Variants in CELF5 observed in about 807,000 individuals in gnomAD.
The protein encoded by CELF5 is CUG-BP and ETR-3 like factor 5.
Under a neutral mutation model 54.9 loss-of-function variants are expected in CELF5, and 6 were observed. The ratio of observed to expected loss-of-function variants is 0.11; its 90% CI spans 0.06 to 0.22. The LOEUF is 0.22. CELF5 is among the 10% of genes least tolerant of loss of function. The pLI, the probability that CELF5 is intolerant of heterozygous loss-of-function variation, is 1.00. For synonymous variants in CELF5, 271 were observed against 290.9 expected (o/e 0.93, Z 0.70); for missense variants, 401 against 678.6 (o/e 0.59, Z 4.54).
chr19:3,256,300 C>G (rs1287110694), intron 2 of CELF5, among the ~76,000 whole-genome samples: 2 of 152,074 alleles, frequency 1.3e-5, no homozygotes, highest in Non-Finnish European at 2.9e-5. Flanking sequence ...TCCCTGACCT[C>G]TCAGGGCTGG....
At position 3,248,902 on chromosome 19, in the gene CELF5, C is replaced by CTTCT. The variant is rs1258553147; in HGVS notation, c.260-2080_260-2079insTTTC. On this transcript the variant is annotated intron_variant, in intron 1 of 12. Transcript: ENST00000292672. ...CCTTCCTTCCTTCCTTCCTTCCTTC[C>CTTCT]TTCCTTTCTTTCTTTCTTTCTTTCT... Among the ~76,000 whole-genome samples the CTTCT allele has an allele frequency of 1.2e-3, 147 of 122,822 alleles. 1 individual carries two copies. The Middle Eastern group carries it at 0.016, about 14-fold the overall frequency. 80.6% of individuals were successfully genotyped at this position (122,822 alleles called of 152,430 possible).
chr19:3,229,047 C>T (rs1300686842), intron 1 of CELF5, among the ~76,000 whole-genome samples: 1 of 151,648 alleles, frequency 6.6e-6, no homozygotes, highest in East Asian at 1.9e-4. Context: ...CATAAGGCCC[C>T]GGAGCCTCAC....
intron 1 of CELF5, among the ~76,000 whole-genome samples, chr19:3,234,219 A>G (rs1337552498): frequency 6.6e-6 from 1 of 152,080 alleles, no homozygotes; most frequent in Admixed American, 6.5e-5. Flanking sequence ...GAGGCGAGGA[A>G]GAGGAAGGGA....
chr19:3,281,993 C>T lies in CELF5; in HGVS notation c.751-133C>T, dbSNP rs1323691675. 2.0e-6 allele frequency: 2 copies of T among 979,040 alleles called. No homozygotes were observed. The highest frequency in any genetic ancestry group is 2.4e-5 in the East Asian group (1 of 41,684). 60.6% of individuals were successfully genotyped at this position (979,040 alleles called of 1,614,324 possible). A position where few individuals can be genotyped will look rare whatever the true frequency, so the allele number is the denominator to read the frequency against. ...TGAGCCTTGATCCCAGTCTGAGCTCCAATTCTGATCTCAGCCTGAGCCAAG... is the reference window on the plus strand; with the variant it reads ...TGAGCCTTGATCCCAGTCTGAGCTCTAATTCTGATCTCAGCCTGAGCCAAG... On this transcript the variant is annotated intron_variant, in intron 6 of 12. Coordinates refer to ENST00000292672, the MANE Select transcript of CELF5 (RefSeq NM_021938.4). The surrounding 1 kb of genome is among the most constrained non-coding windows in gnomAD (Gnocchi z 6.5).
intron 1 of CELF5, among the ~76,000 whole-genome samples, chr19:3,247,414 T>C (rs1037724319): frequency 7.3e-5 from 11 of 151,288 alleles, no homozygotes; most frequent in African/African-American, 2.4e-4. Flanking sequence ...GCGTGAGCCA[T>C]CACGCCCGGC....
intron 1 of CELF5, among the ~76,000 whole-genome samples, chr19:3,242,832 C>A (rs1863361685): frequency 6.6e-6 from 1 of 152,094 alleles, no homozygotes; most frequent in South Asian, 2.1e-4. Flanking sequence ...GGCTTGGTGG[C>A]AGGTACCTGT....
chr19:3,282,605 G>A lies in CELF5; in HGVS notation c.1039+107G>A. ...ATCACAGTGCCCAGGGAACAGAAGG[G>A]CAGGAAAAAGGGTGTCTCCGCTGAG... On this transcript the variant is annotated intron_variant, in intron 8 of 12. Transcript: ENST00000292672. This position sits in a 1 kb window ranked among gnomAD's most constrained non-coding sequence, Gnocchi z 5.2. The A allele has an allele frequency of 7.6e-7, 1 of 1,317,496 alleles. No individual in the cohort carries two copies. Among genetic ancestry groups the A allele is most frequent in the Non-Finnish European group, 1.0e-6 (1 of 967,344 alleles). The allele number at this position is 1,317,496 out of a possible 1,614,324, so 81.6% of individuals were successfully genotyped here. A position where few individuals can be genotyped will look rare whatever the true frequency, so the allele number is the denominator to read the frequency against.
chr19:3,238,210 T>C (rs28494919), intron 1 of CELF5, among the ~76,000 whole-genome samples: 23,490 of 151,970 alleles, frequency 0.15, 2,071 homozygotes, highest in East Asian at 0.24. Flanking sequence ...AAAAATTAGC[T>C]GGGCAGTAGT....
At chr19:3,230,074 ACACTCATT>A (rs1234762140) in intron 1 of CELF5, among the ~76,000 whole-genome samples, 14 of 125,716 alleles carry the variant, frequency 1.1e-4, no homozygotes, top group African/African-American at 4.3e-4. Context: ...TGGTAGGACC[ACACTCATT>A]CATTCATTCA....
chr19:3,287,051 A>G (rs1356145621), intron 10 of CELF5, among the ~76,000 whole-genome samples: 1 of 138,884 alleles, frequency 7.2e-6, no homozygotes, highest in African/African-American at 2.5e-5. Context: ...AAAAAAAAAA[A>G]AAGAAAAGAA....
At chr19:3,244,542 G>A (rs2079535579) in intron 1 of CELF5, among the ~76,000 whole-genome samples, 1 of 149,248 alleles carries the variant, frequency 6.7e-6, no homozygotes, top group South Asian at 2.1e-4. Context: ...TGTGTGTAGT[G>A]TGTTTTGCAT....
intron 2 of CELF5, among the ~76,000 whole-genome samples, chr19:3,255,726 TG>T (rs1167857409): frequency 1.3e-5 from 2 of 152,106 alleles, no homozygotes; most frequent in African/African-American, 2.4e-5. Context: ...ATCTCCAATA[TG>T]GGTAACACTT....
At chr19:3,265,735 C>T in intron 2 of CELF5, among the ~76,000 whole-genome samples, 1 of 152,162 alleles carries the variant, frequency 6.6e-6, no homozygotes, top group Non-Finnish European at 1.5e-5. Flanking sequence ...ATAAAAATAG[C>T]CAACAAGCAG....
intron 1 of CELF5, among the ~76,000 whole-genome samples, chr19:3,234,830 C>A (rs535067509): frequency 4.7e-4 from 72 of 152,206 alleles, no homozygotes; most frequent in Admixed American, 9.8e-4. Flanking sequence ...CTGGTCCAGC[C>A]CCCTCATCCC....
chr19:3,287,201 A>G (rs1410458982), intron 10 of CELF5, among the ~76,000 whole-genome samples: 15 of 151,884 alleles, frequency 9.9e-5, no homozygotes, highest in Non-Finnish European at 2.9e-5. Flanking sequence ...ACAACATGGA[A>G]TAACTTCACA....
rs771754422 is a variant in CELF5, at chr19:3,282,279, C to T, written c.892+12C>T. On this transcript the variant is annotated intron_variant, in intron 7 of 12. Transcript: ENST00000292672. The surrounding 1 kb of genome is among the most constrained non-coding windows in gnomAD (Gnocchi z 5.2). ...CGCTCCTGCCTCTGGTGAGCCTCCT[C>T]CAGGCACCCAAGGATGGGTGGGCAG... The T allele has an allele frequency of 2.1e-5, 34 of 1,610,952 alleles. No homozygotes were observed. The highest frequency in any genetic ancestry group is 2.7e-5 in the Non-Finnish European group (32 of 1,179,996).
intron 1 of CELF5, among the ~76,000 whole-genome samples, chr19:3,248,402 AC>A (rs934552230): frequency 1.4e-5 from 2 of 143,632 alleles, no homozygotes; most frequent in African/African-American, 2.6e-5. Context: ...AGCCCCTGGC[AC>A]CCCCCATCCT....
chr19:3,275,547 TCTC>T lies in CELF5; in HGVS notation c.395-307_395-305del, dbSNP rs1407732285. Reference sequence around the variant, plus strand: ...CTGAGTGCACCAGAGGGAAAGGTCATCTCCGCCTGGAGGGGGAGCAGTGGAGCA... The same window carrying T: ...CTGAGTGCACCAGAGGGAAAGGTCATCGCCTGGAGGGGGAGCAGTGGAGCA... On this transcript the variant is annotated intron_variant, in intron 3 of 12. Transcript: ENST00000292672. This position sits in a 1 kb window ranked among gnomAD's most constrained non-coding sequence, Gnocchi z 6.7. 6.6e-6 allele frequency among the ~76,000 whole-genome samples: 1 copy of T among 152,102 alleles called. No homozygotes were observed. The highest frequency in any genetic ancestry group is 1.5e-5 in the Non-Finnish European group (1 of 68,006).
Position 3,228,915 on chromosome 19 carries a change from T to C in CELF5, c.259+3917T>C, listed in dbSNP as rs312064. ...GTGTGTGTGTGTGTGTGTGTGTGTG[T>C]ACGCGGGCGCGCGCCTGGGAAGGAC... On this transcript the variant is annotated intron_variant, in intron 1 of 12. Coordinates refer to ENST00000292672, the MANE Select transcript of CELF5 (RefSeq NM_021938.4). The surrounding 1 kb of genome is among the most constrained non-coding windows in gnomAD (Gnocchi z 6.0). Among the ~76,000 whole-genome samples the C allele has an allele frequency of 0.24, 34,487 of 143,440 alleles. 4,976 individuals are homozygous for C. Among genetic ancestry groups the C allele is most frequent in the East Asian group, 0.5 (2,321 of 4,624 alleles). 94.1% of individuals were successfully genotyped at this position (143,440 alleles called of 152,430 possible). A position where few individuals can be genotyped will look rare whatever the true frequency, so the allele number is the denominator to read the frequency against.
Sources: gnomAD v4.1 joint callset for allele counts (sites outside exome capture counted in the v4.1 genomes callset) on GRCh38, gnomAD v4.1.1 for gene constraint, Gnocchi (gnomAD v3.1) non-coding constraint, MANE v1.5 for transcripts, NCBI Gene and HGNC (gene_info 2026-07-23, HGNC 2026-07-21) for gene names.